KAZN: variants seen among roughly 807,000 people sequenced by gnomAD.
KAZN encodes the protein kazrin, periplakin interacting protein, also known as kazrin.
In KAZN, 40 loss-of-function variants were observed where a neutral mutation model predicts 87.4. That is an observed-to-expected ratio of 0.46 (90% confidence interval 0.36 to 0.60). The LOEUF (loss-of-function observed/expected upper bound fraction) is 0.60, where lower values mean the gene tolerates loss of function less well. Among genes scored for constraint, KAZN ranks in the 20% least tolerant of loss-of-function variants. The pLI, the probability that KAZN is intolerant of heterozygous loss-of-function variation, is 0.00. For synonymous variants in KAZN, 466 were observed against 458.3 expected (o/e 1.02, Z -0.22); for missense variants, 898 against 1,073.9 (o/e 0.84, Z 2.29).
At chr1:14,676,810 G>A (rs1206595337) in intron 1 of KAZN, among the ~76,000 whole-genome samples, 4 of 152,158 alleles carry the variant, frequency 2.6e-5, no homozygotes, top group African/African-American at 9.7e-5. Flanking sequence ...GGGAGAATGG[G>A]GAGTGACTGC....
chr1:14,362,145 G>C (rs1255288079), intron 2 of KAZN, among the ~76,000 whole-genome samples: 1 of 152,164 alleles, frequency 6.6e-6, no homozygotes, highest in African/African-American at 2.4e-5. Context: ...TGGGTCTGCT[G>C]TCCAGGCACT....
chr1:14,915,526 G>A lies in KAZN; in HGVS notation c.227-45158G>A, dbSNP rs570646358. ...TCCCACTTGGGGAAGAAGAAGTTCC[G>A]CTAGTAGCCACCAGGGGCAGCAGAG... On this transcript the variant is annotated intron_variant, in intron 1 of 14. Transcript: ENST00000376030. 8.1e-4 allele frequency among the ~76,000 whole-genome samples: 123 copies of A among 152,286 alleles called. 1 individual carries two copies. Among genetic ancestry groups the A allele is most frequent in the Admixed American group, 1.2e-3 (19 of 15,300 alleles).
chr1:14,893,236 C>G (rs1654908539), intron 1 of KAZN, among the ~76,000 whole-genome samples: 1 of 152,042 alleles, frequency 6.6e-6, no homozygotes, highest in African/African-American at 2.4e-5. Flanking sequence ...CGTGGTGGCT[C>G]GTGCCTGTAA....
At chr1:14,223,201 A>G (rs981530084) in intron 2 of KAZN, 3 of 152,214 alleles carry the variant, frequency 2.0e-5, no homozygotes, top group Non-Finnish European at 4.4e-5. Context: ...AGGACAAAGC[A>G]AGAAACACCT....
intron 1 of KAZN, among the ~76,000 whole-genome samples, chr1:14,658,394 A>G (rs887587801): frequency 7.9e-5 from 12 of 152,110 alleles, no homozygotes; most frequent in Non-Finnish European, 4.4e-5. Flanking sequence ...TGTTTCACCA[A>G]CTCTGAGCCT....
At chr1:14,812,189 A>C (rs1646432593) in intron 1 of KAZN, among the ~76,000 whole-genome samples, 1 of 152,154 alleles carries the variant, frequency 6.6e-6, no homozygotes, top group Non-Finnish European at 1.5e-5. Context: ...CTCTTCTGGC[A>C]GGCCAGCCCT....
At chr1:14,428,050 TAGTCACATTCTATGTA>T (rs916777514) in intron 2 of KAZN, among the ~76,000 whole-genome samples, 4 of 152,200 alleles carry the variant, frequency 2.6e-5, no homozygotes, top group Admixed American at 6.5e-5. Flanking sequence ...GGCAAGGTTA[TAGTCACATTCTATGTA>T]AGTCTCACAT....
chr1:14,203,708 C>T (rs193084893), intron 2 of KAZN, among the ~76,000 whole-genome samples: 9 of 152,280 alleles, frequency 5.9e-5, no homozygotes, highest in South Asian at 4.1e-4. Flanking sequence ...ACTCAATGTG[C>T]GCTAAAGTAA....
intron 1 of KAZN, among the ~76,000 whole-genome samples, chr1:13,948,094 T>C (rs993174029): frequency 6.6e-6 from 1 of 152,194 alleles, no homozygotes; most frequent in South Asian, 2.1e-4. Flanking sequence ...TCATTTGAGG[T>C]AACAGTCACA....
In KAZN at chr1:14,916,444, C is replaced by T. The variant is rs1346185782; in HGVS notation, c.227-44240C>T. Among the ~76,000 whole-genome samples the T allele has an allele frequency of 2.0e-5, 3 of 152,164 alleles. No individual in the cohort carries two copies. In the East Asian group the frequency reaches 5.8e-4, roughly 29 times the overall value. On this transcript the variant is annotated intron_variant, in intron 1 of 14. Coordinates refer to ENST00000376030, the MANE Select transcript of KAZN (RefSeq NM_201628.3). The stretch of plus-strand genomic sequence containing the variant: ...CCACCTGCCTTGGCCTCCCAAACTG[C>T]TGGGATTACAGGCGTGAGCCACCAC...
intron 2 of KAZN, among the ~76,000 whole-genome samples, chr1:14,550,733 CTCTCT>C (rs1198420555): frequency 1.2e-3 from 99 of 84,508 alleles, no homozygotes; most frequent in African/African-American, 2.6e-3. Flanking sequence ...CTCTCTCTCT[CTCTCT>C]CCCCCACCCC....
At chr1:14,903,388 C>G (rs899555750) in intron 1 of KAZN, among the ~76,000 whole-genome samples, 1 of 152,226 alleles carries the variant, frequency 6.6e-6, no homozygotes, top group African/African-American at 2.4e-5. Flanking sequence ...TTCGTCCCAG[C>G]CTTTCAGGTG....
At chr1:14,522,894 G>A (rs1377814680) in intron 2 of KAZN, among the ~76,000 whole-genome samples, 1 of 152,188 alleles carries the variant, frequency 6.6e-6, no homozygotes, top group East Asian at 1.9e-4. Context: ...AGGTAGGCAG[G>A]AAATTCCACC....
intron 2 of KAZN, among the ~76,000 whole-genome samples, chr1:15,015,770 T>G (rs778237913): frequency 6.6e-6 from 1 of 152,156 alleles, no homozygotes. Flanking sequence ...CAGTCCCCCT[T>G]GGACCCATTG....
chr1:14,718,180 G>A (rs188379237), intron 1 of KAZN, among the ~76,000 whole-genome samples: 2 of 152,208 alleles, frequency 1.3e-5, no homozygotes, highest in Admixed American at 1.3e-4. Context: ...CCAGCTGTTT[G>A]CACCACCACT....
intron 1 of KAZN, among the ~76,000 whole-genome samples, chr1:14,050,821 A>G (rs745671281): frequency 6.6e-6 from 1 of 152,096 alleles, no homozygotes; most frequent in Non-Finnish European, 1.5e-5. Flanking sequence ...GCTTCCCTCT[A>G]ACCTCATGAG....
At chr1:14,551,598 C>T (rs529744826) in intron 2 of KAZN, among the ~76,000 whole-genome samples, 12 of 152,144 alleles carry the variant, frequency 7.9e-5, no homozygotes, top group Non-Finnish European at 1.5e-4. Flanking sequence ...TCCACGTGTT[C>T]GTTCCTTTCT....
chr1:14,912,728 G>A (rs868658020), intron 1 of KAZN, among the ~76,000 whole-genome samples: 10 of 152,084 alleles, frequency 6.6e-5, no homozygotes, highest in African/African-American at 2.2e-4. Flanking sequence ...TGAACTTTTG[G>A]TGTAAGTTAT....
chr1:13,965,778 T>G (rs1288641290), intron 1 of KAZN, among the ~76,000 whole-genome samples: 4 of 152,318 alleles, frequency 2.6e-5, no homozygotes, highest in Non-Finnish European at 4.4e-5. Flanking sequence ...GTCTAGTGTC[T>G]TCTCATAACC....
Sources: gnomAD v4.1 joint callset for allele counts (sites outside exome capture counted in the v4.1 genomes callset) on GRCh38, gnomAD v4.1.1 for gene constraint, MANE v1.5 for transcripts, NCBI Gene and HGNC (gene_info 2026-07-23, HGNC 2026-07-21) for gene names.